EBF4: variants seen among roughly 807,000 people sequenced by gnomAD.
EBF4 encodes EBF transcription factor 4.
In EBF4, 34 loss-of-function variants were observed where a neutral mutation model predicts 67.1. The observed-to-expected ratio is 0.51, with a 90% CI of 0.39 to 0.67. EBF4 has a LOEUF of 0.67. EBF4 is among the 30% of genes least tolerant of loss of function. The pLI is 0.00. For missense variants in EBF4, 837 were observed against 873.3 expected, an observed-to-expected ratio of 0.96 and a Z score of 0.52; for synonymous variants, 387 against 377.7, an observed-to-expected ratio of 1.02 and a Z score of -0.29.
chr20:2,712,141 G>A (rs758566869), intron 6 of EBF4, among the ~76,000 whole-genome samples: 7 of 152,182 alleles, frequency 4.6e-5, no homozygotes, highest in Non-Finnish European at 1.0e-4. Context: ...GTCATTGTAA[G>A]GGCTTTGGCA....
chr20:2,692,858 C>T, upstream of EBF4: 1 of 144,758 alleles, frequency 6.9e-6, no homozygotes, highest in Non-Finnish European at 1.5e-5. This position sits in a 1 kb window ranked among gnomAD's most constrained non-coding sequence, Gnocchi z 6.4. Flanking sequence ...AGGCCAGGCC[C>T]CGGGGAGCGG....
chr20:2,757,064 C>CTATCACA (rs2088256265), intron 15 of EBF4, among the ~76,000 whole-genome samples: 1 of 152,268 alleles, frequency 6.6e-6, no homozygotes, highest in Admixed American at 6.5e-5. Flanking sequence ...AGAGCAAGGC[C>CTATCACA]AGTGGCTTGG....
At chr20:2,703,981 G>C (rs1460919486) in intron 1 of EBF4, among the ~76,000 whole-genome samples, 1 of 152,134 alleles carries the variant, frequency 6.6e-6, no homozygotes, top group Non-Finnish European at 1.5e-5. Context: ...TCTCCCTGTG[G>C]ACCTCTCCAT....
chr20:2,708,932 T>A (rs1015386109), intron 5 of EBF4, among the ~76,000 whole-genome samples: 27 of 152,242 alleles, frequency 1.8e-4, no homozygotes, highest in Non-Finnish European at 3.4e-4. Context: ...ACGCCTGTAA[T>A]CCCAGCACTT....
intron 1 of EBF4, among the ~76,000 whole-genome samples, chr20:2,701,368 C>T (rs918490907): frequency 2.6e-5 from 4 of 152,216 alleles, no homozygotes; most frequent in Non-Finnish European, 5.9e-5. Flanking sequence ...TGCTGTCTTC[C>T]CCCCTCCCAG....
intron 6 of EBF4, among the ~76,000 whole-genome samples, chr20:2,744,384 C>T (rs1368533742): frequency 6.6e-6 from 1 of 152,134 alleles, no homozygotes; most frequent in Non-Finnish European, 1.5e-5. Context: ...TCACTTTCCC[C>T]TAGAGACATA....
At chr20:2,705,250 T>A (rs2087434485) in intron 1 of EBF4, among the ~76,000 whole-genome samples, 1 of 152,194 alleles carries the variant, frequency 6.6e-6, no homozygotes, top group South Asian at 2.1e-4. Flanking sequence ...TGGTTCATAC[T>A]TTTGATTTTT....
intron 6 of EBF4, among the ~76,000 whole-genome samples, chr20:2,732,365 GC>G (rs2087825127): frequency 6.6e-6 from 1 of 152,124 alleles, no homozygotes; most frequent in Non-Finnish European, 1.5e-5. Context: ...CAAGCAATCT[GC>G]CTGCCTCAGC....
chr20:2,716,006 C>G (rs374472295), intron 6 of EBF4, among the ~76,000 whole-genome samples: 27 of 151,952 alleles, frequency 1.8e-4, no homozygotes, highest in African/African-American at 6.0e-4. Flanking sequence ...GCCTTGGCCT[C>G]CCGAAGTGCT....
exon 6 of EBF4, chr20:2,709,591 A>G (rs1189507643): frequency 5.1e-6 from 8 of 1,557,474 alleles, no homozygotes; most frequent in Admixed American, 1.9e-5. Flanking sequence ...TGTGACCGGA[A>G]GAGCTGTGGC....
chr20:2,745,814 G>T lies in EBF4; in HGVS notation c.558-2735G>T, dbSNP rs1000810529. Among the ~76,000 whole-genome samples, 2 of 152,210 alleles carry T rather than the reference G, an allele frequency of 1.3e-5. No homozygotes were observed. The highest frequency in any genetic ancestry group is 6.5e-5 in the Admixed American group (1 of 15,290). On this transcript the variant is annotated intron_variant, in intron 6 of 16. Transcript: ENST00000609451. The surrounding 1 kb of genome is among the most constrained non-coding windows in gnomAD (Gnocchi z 5.2). Reference sequence around the variant, plus strand: ...CATGCAGAGAGTCCAGGCCTGGCCAGAGCCCCTATCTTGGCCCCTTCCCAA... The same window carrying T: ...CATGCAGAGAGTCCAGGCCTGGCCATAGCCCCTATCTTGGCCCCTTCCCAA...
chr20:2,720,890 T>G (rs1318117921), intron 6 of EBF4, among the ~76,000 whole-genome samples: 1 of 152,192 alleles, frequency 6.6e-6, no homozygotes, highest in Non-Finnish European at 1.5e-5. Context: ...TATTGGTTTG[T>G]AAGATGTCGC....
At chr20:2,708,127 G>T (rs2087485697) in intron 5 of EBF4, 107 bp downstream of exon 5, 4 of 1,179,396 alleles carry the variant, frequency 3.4e-6, no homozygotes, top group Non-Finnish European at 1.2e-6. Flanking sequence ...GCTCTCTGCT[G>T]CTGCTCCCTG....
At chr20:2,692,828 G>A, upstream of EBF4, 1 of 158,410 alleles carries the variant, frequency 6.3e-6, no homozygotes, top group Non-Finnish European at 1.3e-5. This position sits in a 1 kb window ranked among gnomAD's most constrained non-coding sequence, Gnocchi z 6.4. Flanking sequence ...CGGCGGCGGC[G>A]GCGGGATGGC....
intron 6 of EBF4, among the ~76,000 whole-genome samples, chr20:2,713,738 C>T (rs954000369): frequency 1.3e-5 from 2 of 151,998 alleles, no homozygotes; most frequent in East Asian, 1.9e-4. Flanking sequence ...GGTAAAGAGA[C>T]GAGTATGATG....
chr20:2,722,485 G>T (rs1004086249), intron 6 of EBF4, among the ~76,000 whole-genome samples: 1 of 152,122 alleles, frequency 6.6e-6, no homozygotes, highest in African/African-American at 2.4e-5. Flanking sequence ...GTTCAAGGAG[G>T]TTCCTCCGCA....
intron 6 of EBF4, among the ~76,000 whole-genome samples, chr20:2,742,291 G>A (rs2087979767): frequency 6.6e-6 from 1 of 152,196 alleles, no homozygotes; most frequent in African/African-American, 2.4e-5. Flanking sequence ...GACACGACCT[G>A]GGGGATTGAG....
chr20:2,737,964 C>CAA (rs5839970), intron 6 of EBF4, among the ~76,000 whole-genome samples: 3 of 131,770 alleles, frequency 2.3e-5, no homozygotes, highest in Non-Finnish European at 3.3e-5. Flanking sequence ...GACTCCATTT[C>CAA]AAAAAAAAAA....
chr20:2,750,512 C>A (rs1050692121), intron 10 of EBF4, among the ~76,000 whole-genome samples: 4 of 152,090 alleles, frequency 2.6e-5, no homozygotes, highest in Non-Finnish European at 4.4e-5. Context: ...CCCAGCCTGG[C>A]TCTATTTGGC....
Sources: gnomAD v4.1 joint callset for allele counts (sites outside exome capture counted in the v4.1 genomes callset) on GRCh38, gnomAD v4.1.1 for gene constraint, Gnocchi (gnomAD v3.1) non-coding constraint, MANE v1.5 for transcripts, NCBI Gene and HGNC (gene_info 2026-07-23, HGNC 2026-07-21) for gene names.